Variants in MBTPS2 observed in about 807,000 individuals in gnomAD.
MBTPS2 encodes membrane-bound transcription factor site-2 protease.
A neutral mutation model predicts 35.4 loss-of-function variants in MBTPS2; 2 were observed. The observed-to-expected ratio is 0.06, with a 90% CI of 0.02 to 0.18. The LOEUF (loss-of-function observed/expected upper bound fraction) is 0.18. MBTPS2 is among the 10% of genes least tolerant of loss of function. The pLI is 1.00. For missense variants in MBTPS2, 244 were observed against 386.5 expected (o/e 0.63, Z 3.09); for synonymous variants, 125 against 140.4 (o/e 0.89, Z 0.77).
At chrX:21,862,728 G>C (rs929187201) in intron 5 of MBTPS2, among the ~76,000 whole-genome samples, 2 of 103,122 alleles carry the variant, frequency 1.9e-5, no homozygotes, top group Admixed American at 2.2e-4. Flanking sequence ...GGAGAATGGC[G>C]TGAACCCGGG....
intron 5 of MBTPS2, among the ~76,000 whole-genome samples, chrX:21,862,933 C>CAT (rs542223686): frequency 0.035 from 978 of 27,651 alleles, 87 homozygotes; most frequent in Non-Finnish European, 0.062. Flanking sequence ...TATATATAAA[C>CAT]ATATATATAT....
chrX:21,870,914 A>T (rs188993586), intron 7 of MBTPS2: 1 of 112,052 alleles, frequency 8.9e-6, no homozygotes, highest in South Asian at 3.6e-4. Context: ...ATGCTCACAG[A>T]CTATATCTTT....
At chrX:21,868,305 A>C (rs952015114) in intron 5 of MBTPS2, among the ~76,000 whole-genome samples, 162 bp from the exon 6 acceptor site, 1 of 111,993 alleles carries the variant, frequency 8.9e-6, no homozygotes, top group Admixed American at 9.5e-5. Context: ...GTAACTAATA[A>C]TTGAACATCT....
chrX:21,874,271 C>G (rs943149763), intron 7 of MBTPS2, among the ~76,000 whole-genome samples: 3 of 107,087 alleles, frequency 2.8e-5, no homozygotes, highest in Non-Finnish European at 3.8e-5. Context: ...GTGATCCCCC[C>G]GCCTCGGCCT....
intron 5 of MBTPS2, chrX:21,856,489 C>T (rs191133633): frequency 8.3e-7 from 1 of 1,205,546 alleles, no homozygotes; most frequent in South Asian, 1.8e-5. Flanking sequence ...TCAGCCATGG[C>T]CTCCAACGAA....
intron 9 of MBTPS2, among the ~76,000 whole-genome samples, chrX:21,880,307 C>T (rs2092957994): frequency 9.0e-6 from 1 of 111,010 alleles, no homozygotes; most frequent in African/African-American, 3.3e-5. Context: ...TCCTGAGATA[C>T]AACCGAGGTC....
At chrX:21,859,039 C>T (rs73195143) in intron 5 of MBTPS2, among the ~76,000 whole-genome samples, 11,137 of 110,304 alleles carry the variant, frequency 0.1, 439 homozygotes, top group East Asian at 0.12. Flanking sequence ...AACCATCCCC[C>T]GGCTACTTAA....
chrX:21,863,281 ATTAAAT>A (rs1291190056), intron 5 of MBTPS2, among the ~76,000 whole-genome samples: 2 of 101,967 alleles, frequency 2.0e-5, no homozygotes, highest in Admixed American at 2.2e-4. Context: ...AAAAAAAAAA[ATTAAAT>A]TTAAAAAAAA....
intron 1 of MBTPS2, among the ~76,000 whole-genome samples, chrX:21,840,768 G>A (rs149016018): frequency 0.013 from 1,465 of 112,345 alleles, 20 homozygotes; most frequent in African/African-American, 0.045. Flanking sequence ...AATGAAATGA[G>A]ACTTTTCCTT....
intron 5 of MBTPS2, chrX:21,857,493 G>A (rs768761322): frequency 6.6e-6 from 8 of 1,211,926 alleles, no homozygotes; most frequent in Non-Finnish European, 8.9e-6. Flanking sequence ...CATCCACACC[G>A]GCGATAAGCC....
Position 21,882,587 on chromosome X carries a change from T to C in MBTPS2, c.1492T>C (p.Leu498=). 1 of 1,212,023 alleles carries C rather than the reference T, an allele frequency of 8.3e-7. No individual in the cohort carries two copies. Among genetic ancestry groups the C allele is most frequent in the Non-Finnish European group, 1.1e-6 (1 of 895,549 alleles). The part of the protein sequence containing the change: ...DVKDLIGFFI[L]LGGSVLLAAN... The stretch of plus-strand genomic sequence containing the variant: ...CAAAGATCTAATAGGGTTTTTCATC[T>C]TGCTGGGTGGCAGTGTACTTTTGGC... The change falls in exon 11 of 11, where the codon TTG becomes CTG. Residue 498 remains leucine, a synonymous_variant. Coordinates refer to ENST00000379484, the MANE Select transcript of MBTPS2 (RefSeq NM_015884.4).
intron 9 of MBTPS2, among the ~76,000 whole-genome samples, chrX:21,879,421 C>T (rs1436298826): frequency 9.0e-6 from 1 of 111,166 alleles, no homozygotes; most frequent in Non-Finnish European, 1.9e-5. Flanking sequence ...GCTGGGACTA[C>T]AGACGTGTTC....
intron 9 of MBTPS2, among the ~76,000 whole-genome samples, chrX:21,879,581 A>G (rs1023585456): frequency 2.7e-5 from 3 of 111,057 alleles, no homozygotes; most frequent in Non-Finnish European, 5.7e-5. Flanking sequence ...TGCCCGGCCC[A>G]GTGATTTTTA....
chrX:21,882,913 T>C lies in MBTPS2; in HGVS notation c.*258T>C. Reference sequence around the variant, plus strand: ...GTACCCAGATGCTTGTGGAATAATATCTAAGCAAGTGCAAATTCATGTAAT... The same window carrying C: ...GTACCCAGATGCTTGTGGAATAATACCTAAGCAAGTGCAAATTCATGTAAT... On this transcript the variant is annotated 3_prime_UTR_variant, in exon 11 of 11. Transcript: ENST00000379484. The C allele has an allele frequency of 9.8e-7, 1 of 1,016,283 alleles. No individual in the cohort carries two copies. Among genetic ancestry groups the C allele is most frequent in the Non-Finnish European group, 1.3e-6 (1 of 798,413 alleles). The allele number at this position is 1,016,283 out of a possible 1,213,427, so 83.8% of individuals were successfully genotyped here. A position where few individuals can be genotyped will look rare whatever the true frequency, so the allele number is the denominator to read the frequency against.
intron 5 of MBTPS2, among the ~76,000 whole-genome samples, chrX:21,855,118 A>T (rs746438783): frequency 9.0e-6 from 1 of 111,712 alleles, no homozygotes; most frequent in Non-Finnish European, 1.9e-5. Context: ...ATTAGTAAGG[A>T]TATAGGCAGA....
rs757318606 is a variant in MBTPS2, at chrX:21,856,988, G to C, written c.670+3485G>C. ...GCAGCTCCAGCCTGGGCACGAGGAA[G>C]TGGGAGCAGAAGCAAATGCAGGTCA... On this transcript the variant is annotated intron_variant, in intron 5 of 10. Transcript: ENST00000379484. The C allele has an allele frequency of 2.5e-6, 3 of 1,210,704 alleles. No individual in the cohort carries two copies. The South Asian group carries it at 5.3e-5, about 21-fold the overall frequency.
Position 21,885,423 on chromosome X carries a change from A to G in MBTPS2, c.*2768A>G, listed in dbSNP as rs2092963726. On this transcript the variant is annotated 3_prime_UTR_variant, in exon 11 of 11. Transcript: ENST00000379484. ...AAATGTGTACCAGCATTTTATGTTT[A>G]TCATCGTCTATGTGTTGTCTTTTTT... is the stretch of plus-strand genomic sequence containing the variant. 2.7e-6 allele frequency: 2 copies of G among 747,075 alleles called. No homozygotes were observed. Among genetic ancestry groups the G allele is most frequent in the Non-Finnish European group, 3.2e-6 (2 of 633,877 alleles). The allele number at this position is 747,075 out of a possible 1,213,427, so 61.6% of individuals were successfully genotyped here. A position where few individuals can be genotyped will look rare whatever the true frequency, so the allele number is the denominator to read the frequency against.
intron 5 of MBTPS2, chrX:21,856,273 T>G (rs2092921328): frequency 4.5e-6 from 2 of 442,349 alleles, no homozygotes; most frequent in Non-Finnish European, 7.7e-6. Flanking sequence ...CGTGCTTTCC[T>G]CAGTCTCGCG....
intron 5 of MBTPS2, among the ~76,000 whole-genome samples, chrX:21,862,805 CG>C (rs1208161076): frequency 2.2e-5 from 2 of 92,954 alleles, no homozygotes; most frequent in Admixed American, 2.5e-4. Flanking sequence ...AACGAGACTC[CG>C]TCTCAAAAAA....
Sources: gnomAD v4.1 joint callset for allele counts (sites outside exome capture counted in the v4.1 genomes callset) on GRCh38, gnomAD v4.1.1 for gene constraint, MANE v1.5 for transcripts, NCBI Gene and HGNC (gene_info 2026-07-23, HGNC 2026-07-21) for gene names.